The following GLRB variants were observed in gnomAD, a reference collection of about 807,000 sequenced individuals.
GLRB encodes glycine receptor beta.
Under a neutral mutation model 54.2 loss-of-function variants are expected in GLRB, and 33 were observed. The observed-to-expected ratio is 0.61, with a 90% confidence interval of 0.46 to 0.81. The LOEUF (loss-of-function observed/expected upper bound fraction) is 0.81, where lower values mean the gene tolerates loss of function less well. Ranked by LOEUF, GLRB falls within the 40% of genes least tolerant of loss-of-function variation. The pLI is 0.00. For synonymous variants in GLRB, 209 were observed against 208.2 expected (o/e 1.00, Z -0.03); for missense variants, 572 against 584.6 (o/e 0.98, Z 0.22).
chr4:157,163,068 C>G (rs909219786), intron 9 of GLRB, among the ~76,000 whole-genome samples: 1 of 152,168 alleles, frequency 6.6e-6, no homozygotes, highest in Non-Finnish European at 1.5e-5. Flanking sequence ...GCTTCCACCT[C>G]GCAGTTCGAT....
rs1735026210 is a variant in GLRB at position 157,101,559 on chromosome 4, T to C, written c.123-18997T>C. Among the ~76,000 whole-genome samples the C allele has an allele frequency of 2.0e-5, 3 of 152,134 alleles. 1 individual carries two copies. In the South Asian group the frequency reaches 6.2e-4, roughly 31 times the overall value. On this transcript the variant is annotated intron_variant, in intron 2 of 9. Coordinates refer to ENST00000264428, the MANE Select transcript of GLRB (RefSeq NM_000824.5). ...AATGAGAAAGTTCTCCTTTGTTTCA[T>C]CTAAGACTAATTCGGATGAGATTTA...
At chr4:157,084,362 C>G (rs1276461223) in intron 2 of GLRB, among the ~76,000 whole-genome samples, 5 of 152,018 alleles carry the variant, frequency 3.3e-5, no homozygotes, top group Non-Finnish European at 7.4e-5. Context: ...CTCTTTTCTC[C>G]CATTTTGGCC....
intron 8 of GLRB, among the ~76,000 whole-genome samples, chr4:157,149,091 A>G (rs1736922991): frequency 6.6e-6 from 1 of 151,984 alleles, no homozygotes. Flanking sequence ...TTACTCTACT[A>G]TTTTTCCCCT....
Position 157,170,890 on chromosome 4 carries a change from A to G in GLRB, c.*162A>G, listed in dbSNP as rs528903429. On this transcript the variant is annotated 3_prime_UTR_variant, in exon 10 of 10. Coordinates refer to ENST00000264428, the MANE Select transcript of GLRB (RefSeq NM_000824.5). The stretch of plus-strand genomic sequence containing the variant: ...TGGCACCTTAATTTTGAATGGCAGC[A>G]TGATCATGTAATATCTGTGCTCTAA... 7.6e-5 allele frequency: 43 copies of G among 568,244 alleles called. No individual in the cohort carries two copies. The South Asian group carries it at 9.2e-4, about 12-fold the overall frequency. The allele number at this position is 568,244 out of a possible 1,614,324, so 35.2% of individuals were successfully genotyped here. A position where few individuals can be genotyped will look rare whatever the true frequency, so the allele number is the denominator to read the frequency against.
intron 8 of GLRB, among the ~76,000 whole-genome samples, chr4:157,152,417 A>G (rs1737056278): frequency 6.6e-6 from 1 of 152,150 alleles, no homozygotes. Context: ...GATACTATAC[A>G]ATAGTTTTAG....
At chr4:157,098,943 C>A (rs1233384577) in intron 2 of GLRB, among the ~76,000 whole-genome samples, 1 of 152,030 alleles carries the variant, frequency 6.6e-6, no homozygotes, top group Non-Finnish European at 1.5e-5. Context: ...GAATGCCTTC[C>A]GGTGACTGCT....
intron 2 of GLRB, among the ~76,000 whole-genome samples, chr4:157,088,442 A>C (rs966752793): frequency 6.6e-6 from 1 of 152,068 alleles, no homozygotes; most frequent in Non-Finnish European, 1.5e-5. Context: ...ATTTATTTTG[A>C]TCTAGTCTTG....
chr4:157,095,369 T>C (rs1734771108), intron 2 of GLRB, among the ~76,000 whole-genome samples: 1 of 150,628 alleles, frequency 6.6e-6, no homozygotes, highest in Non-Finnish European at 1.5e-5. Flanking sequence ...GAAGAGTAGA[T>C]AGGAAATGAG....
intron 2 of GLRB, chr4:157,084,520 A>C (rs2126429833): frequency 2.3e-6 from 1 of 443,274 alleles, no homozygotes; most frequent in South Asian, 1.6e-5. Context: ...TAAAATAATT[A>C]CATAAATAAC....
chr4:157,138,817 A>G lies in GLRB; in HGVS notation c.619A>G (p.Thr207Ala), dbSNP rs1736503955. 6 of 1,529,474 alleles carry G rather than the reference A, an allele frequency of 3.9e-6. No homozygotes were observed. Among genetic ancestry groups the G allele is most frequent in the South Asian group, 1.1e-5 (1 of 88,538 alleles). 94.7% of individuals were successfully genotyped at this position (1,529,474 alleles called of 1,614,324 possible). A position where few individuals can be genotyped will look rare whatever the true frequency, so the allele number is the denominator to read the frequency against. Residue 207 changes from threonine to alanine, a missense_variant, in exon 7 of 10, where the codon ACA (threonine) becomes GCA (alanine). Thr to Ala is a moderately conservative substitution (Grantham distance 58). Transcript: ENST00000264428. ...CKMQLESFGY[T>A]TDDLRFIWQS... ...TTTGTTTTTGTTTATAGTTGGTTAC[A>G]CAACTGATGATTTACGATTTATCTG...
chr4:157,112,172 C>T (rs1735443807), intron 2 of GLRB, among the ~76,000 whole-genome samples: 1 of 151,794 alleles, frequency 6.6e-6, no homozygotes, highest in South Asian at 2.1e-4. Flanking sequence ...GATGCCCGGG[C>T]CACATCCAAA....
At chr4:157,143,265 C>T (rs562477144) in intron 7 of GLRB, among the ~76,000 whole-genome samples, 1 of 152,116 alleles carries the variant, frequency 6.6e-6, no homozygotes, top group African/African-American at 2.4e-5. Context: ...GTTTCCTATA[C>T]TTGCTAATGT....
intron 4 of GLRB, among the ~76,000 whole-genome samples, chr4:157,125,203 G>C (rs1735974521): frequency 6.6e-6 from 1 of 151,734 alleles, no homozygotes; most frequent in South Asian, 2.1e-4. Flanking sequence ...GTTATGAGAG[G>C]ATACTTCTTC....
chr4:157,148,191 T>C (rs1736888584), intron 8 of GLRB, among the ~76,000 whole-genome samples: 1 of 152,188 alleles, frequency 6.6e-6, no homozygotes, highest in Non-Finnish European at 1.5e-5. Context: ...TACTCCCTTT[T>C]CCTTTTAATG....
At chr4:157,100,266 AT>A (rs1734967396) in intron 2 of GLRB, among the ~76,000 whole-genome samples, 5 of 152,142 alleles carry the variant, frequency 3.3e-5, no homozygotes, top group African/African-American at 7.2e-5. Context: ...TAGATCTGTA[AT>A]CCATTTCAAC....
chr4:157,077,878 G>T (rs1010627063), intron 1 of GLRB, 118 bp from the exon 2 acceptor site: 2 of 633,982 alleles, frequency 3.2e-6, no homozygotes, highest in Non-Finnish European at 5.5e-6. Flanking sequence ...GAGCAATGAG[G>T]ATTTGATGTA....
At chr4:157,113,519 G>T (rs977066518) in intron 2 of GLRB, among the ~76,000 whole-genome samples, 3 of 151,954 alleles carry the variant, frequency 2.0e-5, no homozygotes, top group Non-Finnish European at 4.4e-5. Context: ...GAAGTTAAAA[G>T]TGACCAACAG....
intron 2 of GLRB, among the ~76,000 whole-genome samples, chr4:157,095,300 C>T (rs1734765743): frequency 7.7e-6 from 1 of 129,672 alleles, no homozygotes; most frequent in Non-Finnish European, 1.6e-5. Flanking sequence ...CGTTTTGTGC[C>T]TGAGCAAAAA....
chr4:157,077,004 A>G (rs1270496407), intron 1 of GLRB, among the ~76,000 whole-genome samples: 2 of 144,794 alleles, frequency 1.4e-5, no homozygotes, highest in Non-Finnish European at 3.0e-5. Context: ...AAAACATGAC[A>G]TAAGGAGAAG....
Sources: allele counts gnomAD v4.1 joint callset (sites outside exome capture counted in the v4.1 genomes callset), GRCh38; gene constraint gnomAD v4.1.1; transcripts MANE v1.5; gene names NCBI Gene and HGNC (gene_info 2026-07-23, HGNC 2026-07-21).